Variants in SYNE2 observed in about 807,000 individuals in gnomAD.
SYNE2 encodes the protein spectrin repeat containing nuclear envelope protein 2.
A neutral mutation model predicts 856.3 loss-of-function variants in SYNE2; 431 were observed. That is an observed-to-expected ratio of 0.50 (90% CI 0.47 to 0.55). The LOEUF is 0.55. SYNE2 is among the 20% of genes least tolerant of loss of function. The pLI is 0.00. For missense variants in SYNE2, 8,129 were observed against 8,023.2 expected, an observed-to-expected ratio of 1.01 and a Z score of -0.50; for synonymous variants, 2,923 against 2,872.3, an observed-to-expected ratio of 1.02 and a Z score of -0.56.
At position 64,006,999 on chromosome 14, in the gene SYNE2, G is replaced by T. The variant is rs1461743946; in HGVS notation, c.4398-44G>T. 3 of 1,491,328 alleles carry T rather than the reference G, an allele frequency of 2.0e-6. No individual in the cohort carries two copies. In the South Asian group the frequency reaches 3.4e-5, roughly 17 times the overall value. The allele number at this position is 1,491,328 out of a possible 1,614,324, so 92.4% of individuals were successfully genotyped here. ...TTACCCATATTTGTGTTGAATCAAT[G>T]GTTAACAGTTGGCTATCAAACTTTT... On this transcript the variant is annotated intron_variant, in intron 30 of 115. Coordinates refer to ENST00000555002, the MANE Select transcript of SYNE2 (RefSeq NM_182914.3).
chr14:63,999,718 C>T (rs745704005), intron 27 of SYNE2, among the ~76,000 whole-genome samples: 50 of 152,278 alleles, frequency 3.3e-4, no homozygotes, highest in Non-Finnish European at 4.9e-4. Flanking sequence ...TCTTGATGCA[C>T]GCCCTGAGTG....
At chr14:63,868,816 A>G (rs764113957) in intron 1 of SYNE2, among the ~76,000 whole-genome samples, 13 of 152,194 alleles carry the variant, frequency 8.5e-5, no homozygotes, top group South Asian at 2.1e-4. Flanking sequence ...CTTAATTTTT[A>G]TCTGCATCCA....
In SYNE2 at chr14:63,818,039, A is replaced by AAAC. The variant is rs1555341613; in HGVS notation, c.-304-34460_-304-34459insCAA. Among the ~76,000 whole-genome samples the AAAC allele has an allele frequency of 9.2e-3, 1,358 of 147,292 alleles. 24 individuals are homozygous for AAAC. The highest frequency in any genetic ancestry group is 0.033 in the African/African-American group (1,283 of 39,438). On this transcript the variant is annotated intron_variant, in intron 1 of 23. Transcript: ENST00000674003. ...GACCCTTTCTCAAAAAAAAAAAAAA[A>AAAC]AAAAAAACAAATAAATAAAAATTAG... is the stretch of plus-strand genomic sequence containing the variant.
intron 1 of SYNE2, among the ~76,000 whole-genome samples, chr14:63,818,257 C>A (rs1240551001): frequency 1.3e-5 from 2 of 149,436 alleles, no homozygotes; most frequent in Non-Finnish European, 3.0e-5. Context: ...ATTGTTTGAA[C>A]CTGGGAGGTG....
chr14:64,047,770 A>G (rs984183577), intron 45 of SYNE2, among the ~76,000 whole-genome samples: 1 of 152,146 alleles, frequency 6.6e-6, no homozygotes, highest in Non-Finnish European at 1.5e-5. Context: ...TCAGTATACA[A>G]TTGACCAATG....
chr14:63,788,543 A>G (rs2139759726), intron 1 of SYNE2, among the ~76,000 whole-genome samples: 1 of 152,226 alleles, frequency 6.6e-6, no homozygotes, highest in South Asian at 2.1e-4. Flanking sequence ...CCTGTCCAGG[A>G]GAGCGGGGCT....
intron 42 of SYNE2, among the ~76,000 whole-genome samples, chr14:64,027,222 T>G (rs540582239): frequency 6.6e-6 from 1 of 152,324 alleles, no homozygotes; most frequent in East Asian, 1.9e-4. Context: ...TGGGACTTGT[T>G]TGAAATCTAA....
chr14:64,049,883 G>C lies in SYNE2; in HGVS notation c.7643+7G>C. ...ACAAGGAAAGTCTTAAAGTGTAAGT[G>C]TAAGAATTTAGGACTTGCATTCTTT... On this transcript the variant is annotated splice_region_variant and intron_variant, in intron 47 of 115. Coordinates refer to ENST00000555002, the MANE Select transcript of SYNE2 (RefSeq NM_182914.3). 6.2e-7 allele frequency: 1 copy of C among 1,613,588 alleles called. No homozygotes were observed. The highest frequency in any genetic ancestry group is 8.5e-7 in the Non-Finnish European group (1 of 1,179,602).
intron 64 of SYNE2, among the ~76,000 whole-genome samples, chr14:64,106,427 A>G (rs935964850): frequency 2.0e-5 from 3 of 152,222 alleles, no homozygotes; most frequent in Non-Finnish European, 4.4e-5. Context: ...AGGCGAGTGG[A>G]TCACGAGGTC....
chr14:63,925,254 A>G (rs2095650074), intron 2 of SYNE2, among the ~76,000 whole-genome samples: 1 of 152,194 alleles, frequency 6.6e-6, no homozygotes, highest in African/African-American at 2.4e-5. Flanking sequence ...CCCAGGAGGC[A>G]GAGGTTGCAC....
In SYNE2 at chr14:64,214,480, G is replaced by A; in HGVS notation, c.19333+10G>A. 2 of 1,607,418 alleles carry A rather than the reference G, an allele frequency of 1.2e-6. No homozygotes were observed. Among genetic ancestry groups the A allele is most frequent in the Non-Finnish European group, 1.7e-6 (2 of 1,178,606 alleles). On this transcript the variant is annotated intron_variant, in intron 106 of 115. Coordinates refer to ENST00000555002, the MANE Select transcript of SYNE2 (RefSeq NM_182914.3). ...TACAGCGCACTGTCAGGTAACAGCTGGGTTCCCAGCACCCTGGAAAGTGAC... is the reference window on the plus strand; with the variant it reads ...TACAGCGCACTGTCAGGTAACAGCTAGGTTCCCAGCACCCTGGAAAGTGAC...
intron 85 of SYNE2, among the ~76,000 whole-genome samples, chr14:64,156,651 G>A (rs904212702): frequency 1.3e-5 from 2 of 151,540 alleles, no homozygotes; most frequent in Non-Finnish European, 1.5e-5. Context: ...TAGAGACAGG[G>A]TTTCACCATG....
chr14:63,841,753 G>A (rs911616549), intron 1 of SYNE2, among the ~76,000 whole-genome samples: 14 of 151,310 alleles, frequency 9.3e-5, no homozygotes, highest in Admixed American at 1.3e-4. Context: ...TGAATGTCTC[G>A]TAAGGGTTTG....
chr14:64,224,832 C>G, intron 114 of SYNE2, 167 bp from the exon 115 acceptor site: 1 of 751,754 alleles, frequency 1.3e-6, no homozygotes, highest in East Asian at 2.7e-5. Flanking sequence ...TAATTATTTC[C>G]TACTTCAGGT....
intron 45 of SYNE2, among the ~76,000 whole-genome samples, chr14:64,043,848 C>T (rs2097166934): frequency 6.6e-6 from 1 of 152,236 alleles, no homozygotes; most frequent in African/African-American, 2.4e-5. Context: ...TCAGAGCCCC[C>T]ACACAGAGTG....
At chr14:64,169,990 G>A (rs1461649577) in intron 93 of SYNE2, among the ~76,000 whole-genome samples, 1 of 152,194 alleles carries the variant, frequency 6.6e-6, no homozygotes, top group Non-Finnish European at 1.5e-5. Context: ...GAATGGTTAT[G>A]CATGCTGGCA....
intron 30 of SYNE2, 139 bp downstream of exon 30, chr14:64,003,469 T>C (rs770208424): frequency 4.1e-6 from 5 of 1,218,230 alleles, no homozygotes; most frequent in Non-Finnish European, 5.9e-6. Context: ...CATTCTTTTC[T>C]GTAGACTTTT....
intron 73 of SYNE2, 91 bp downstream of exon 73, chr14:64,126,898 T>G: frequency 7.6e-7 from 1 of 1,315,950 alleles, no homozygotes; most frequent in Non-Finnish European, 1.1e-6. Context: ...TGACATTTGT[T>G]AATAAGAATT....
chr14:64,141,277 T>C (rs2098137436), intron 80 of SYNE2, 64 bp from the exon 81 acceptor site: 1 of 1,362,308 alleles, frequency 7.3e-7, no homozygotes. Context: ...TAGCCAGTTA[T>C]TCCGACTCTT....
Sources: allele counts gnomAD v4.1 joint callset (sites outside exome capture counted in the v4.1 genomes callset), GRCh38; gene constraint gnomAD v4.1.1; transcripts MANE v1.5; gene names NCBI Gene and HGNC (gene_info 2026-07-23, HGNC 2026-07-21).